Variants in RORA observed in about 807,000 individuals in gnomAD.
RORA encodes the protein RAR related orphan receptor A.
Under a neutral mutation model 69.5 loss-of-function variants are expected in RORA, and 7 were observed. The ratio of observed to expected loss-of-function variants is 0.10; its 90% CI spans 0.06 to 0.19. The LOEUF is 0.19. RORA is among the 10% of genes least tolerant of loss of function. The pLI, the probability that RORA is intolerant of heterozygous loss-of-function variation, is 1.00. For missense variants in RORA, 457 were observed against 663.0 expected (o/e 0.69, Z 3.41); for synonymous variants, 261 against 240.8 (o/e 1.08, Z -0.78).
chr15:60,975,952 C>G (rs542625916), intron 1 of RORA, among the ~76,000 whole-genome samples: 1 of 152,328 alleles, frequency 6.6e-6, no homozygotes, highest in African/African-American at 2.4e-5. Flanking sequence ...GGGGACCTTT[C>G]CAGAGAGCCA....
intron 1 of RORA, among the ~76,000 whole-genome samples, chr15:60,822,291 A>G (rs1406161730): frequency 6.6e-6 from 1 of 152,204 alleles, no homozygotes; most frequent in Non-Finnish European, 1.5e-5. Flanking sequence ...ATGACTTGCC[A>G]AGGTCTCTAC....
chr15:61,117,671 G>T (rs1043023369), intron 1 of RORA, among the ~76,000 whole-genome samples: 1 of 152,158 alleles, frequency 6.6e-6, no homozygotes, highest in African/African-American at 2.4e-5. Flanking sequence ...GAAATCATTT[G>T]AATCTTTCAA....
chr15:60,546,487 G>T (rs1335244278), intron 2 of RORA: 1 of 152,156 alleles, frequency 6.6e-6, no homozygotes, highest in Non-Finnish European at 1.5e-5. Flanking sequence ...ACAGTTCCCA[G>T]GAGAAACAGA....
At chr15:60,696,285 C>T (rs544696793) in intron 1 of RORA, among the ~76,000 whole-genome samples, 122 of 152,204 alleles carry the variant, frequency 8.0e-4, no homozygotes, top group African/African-American at 2.8e-3. Context: ...GTATAGGATC[C>T]AGGGGGAATC....
At chr15:61,057,801 T>C (rs2078116264) in intron 1 of RORA, among the ~76,000 whole-genome samples, 1 of 152,214 alleles carries the variant, frequency 6.6e-6, no homozygotes. Flanking sequence ...AGAGCAATGA[T>C]AAATCTAAGT....
At chr15:60,787,724 T>C (rs2072357698) in intron 1 of RORA, among the ~76,000 whole-genome samples, 1 of 152,204 alleles carries the variant, frequency 6.6e-6, no homozygotes. Context: ...AGCTGCCTTT[T>C]GGCAAGCCTA....
At chr15:60,996,250 T>C (rs1894530887) in intron 1 of RORA, among the ~76,000 whole-genome samples, 1 of 152,072 alleles carries the variant, frequency 6.6e-6, no homozygotes, top group South Asian at 2.1e-4. Context: ...TTTGTATTTT[T>C]AGTAGGGACG....
intron 1 of RORA, among the ~76,000 whole-genome samples, chr15:60,834,656 C>T (rs2073091519): frequency 6.6e-6 from 1 of 152,180 alleles, no homozygotes; most frequent in African/African-American, 2.4e-5. Flanking sequence ...CATCACAAAG[C>T]CCATGGGGGA....
intron 1 of RORA, among the ~76,000 whole-genome samples, chr15:60,895,518 C>T (rs915368325): frequency 5.9e-5 from 9 of 152,122 alleles, no homozygotes; most frequent in African/African-American, 2.2e-4. Flanking sequence ...GTTTTAGTAT[C>T]GGAAAATCTT....
chr15:61,004,895 T>C (rs564735569), intron 1 of RORA, among the ~76,000 whole-genome samples: 2 of 152,340 alleles, frequency 1.3e-5, no homozygotes, highest in South Asian at 2.1e-4. Flanking sequence ...AAAAGAAAGA[T>C]AATACCAATG....
At chr15:60,724,819 C>A (rs2071336757) in intron 1 of RORA, among the ~76,000 whole-genome samples, 1 of 152,130 alleles carries the variant, frequency 6.6e-6, no homozygotes, top group Non-Finnish European at 1.5e-5. Context: ...ATGAGGGTCC[C>A]ACCACTTTCC....
intron 2 of RORA, among the ~76,000 whole-genome samples, chr15:60,550,140 A>T (rs1003037452): frequency 2.6e-5 from 4 of 152,134 alleles, no homozygotes; most frequent in African/African-American, 9.7e-5. Flanking sequence ...AAAATACAAA[A>T]ATTAGCCAGG....
chr15:61,024,479 C>A lies in RORA; in HGVS notation c.166+204574G>T, dbSNP rs569203404. Among the ~76,000 whole-genome samples, 9 of 146,408 alleles carry A rather than the reference C, an allele frequency of 6.1e-5. No homozygotes were observed. The South Asian group carries it at 1.1e-3, about 18-fold the overall frequency. ...TTTTTTTTTTTTTGAGATGGAGTCTCCCTCTGTCACCCAGGCTGGAGGGGG... is the reference window on the plus strand; with the variant it reads ...TTTTTTTTTTTTTGAGATGGAGTCTACCTCTGTCACCCAGGCTGGAGGGGG... On this transcript the variant is annotated intron_variant, in intron 1 of 10. Coordinates refer to ENST00000335670, the MANE Select transcript of RORA (RefSeq NM_134261.3).
chr15:60,573,478 ATC>A (rs1240274339), intron 2 of RORA, among the ~76,000 whole-genome samples: 4 of 152,212 alleles, frequency 2.6e-5, no homozygotes, highest in Non-Finnish European at 5.9e-5. Flanking sequence ...TACTGAGAAT[ATC>A]TGATTGTTTC....
At chr15:61,115,558 C>T (rs865902796) in intron 1 of RORA, among the ~76,000 whole-genome samples, 22 of 152,290 alleles carry the variant, frequency 1.4e-4, no homozygotes, top group African/African-American at 5.1e-4. Context: ...AGAGAGATGG[C>T]ATTGGAAATA....
rs190264136 is a variant in RORA, at chr15:60,784,012, G to A, written c.167-105326C>T. On this transcript the variant is annotated intron_variant, in intron 1 of 10. Coordinates refer to ENST00000335670, the MANE Select transcript of RORA (RefSeq NM_134261.3). ...GGAGCCATCCCTCCTTTACATCAAC[G>A]GCTTCCACATGCTGGTCAGTAAACA... 2.0e-4 allele frequency among the ~76,000 whole-genome samples: 31 copies of A among 152,310 alleles called. 1 individual carries two copies. Among genetic ancestry groups the A allele is most frequent in the Admixed American group, 9.2e-4 (14 of 15,296 alleles).
At chr15:60,889,350 CGGGGGG>C in intron 1 of RORA, among the ~76,000 whole-genome samples, 1 of 136,396 alleles carries the variant, frequency 7.3e-6, no homozygotes, top group East Asian at 2.2e-4. Context: ...GGGAGTGGGG[CGGGGGG>C]GGGGGGAAGG....
At chr15:60,694,150 A>G (rs2070868824) in intron 1 of RORA, among the ~76,000 whole-genome samples, 2 of 152,156 alleles carry the variant, frequency 1.3e-5, no homozygotes, top group African/African-American at 4.8e-5. Flanking sequence ...ATACTGTTGG[A>G]TCCATTTTGC....
At chr15:60,781,374 A>G (rs1187630526) in intron 1 of RORA, among the ~76,000 whole-genome samples, 3 of 152,178 alleles carry the variant, frequency 2.0e-5, no homozygotes, top group Non-Finnish European at 4.4e-5. Flanking sequence ...TAACCAGCCC[A>G]GAGTCCTCGT....
Sources: gnomAD v4.1 joint callset for allele counts (sites outside exome capture counted in the v4.1 genomes callset) on GRCh38, gnomAD v4.1.1 for gene constraint, MANE v1.5 for transcripts, NCBI Gene and HGNC (gene_info 2026-07-23, HGNC 2026-07-21) for gene names.